Variants in DNAH6 observed in about 807,000 individuals in gnomAD.
The protein encoded by DNAH6 is axonemal beta dynein heavy chain 6.
Under a neutral mutation model 491.4 loss-of-function variants are expected in DNAH6, and 340 were observed. That is an observed-to-expected ratio of 0.69 (90% CI 0.63 to 0.76). The LOEUF is 0.76. Among genes scored for constraint, DNAH6 ranks in the 30% least tolerant of loss-of-function variants. The pLI, the probability that DNAH6 is intolerant of heterozygous loss-of-function variation, is 0.00. For missense variants in DNAH6, 4,443 were observed against 4,972.2 expected, an observed-to-expected ratio of 0.89 and a Z score of 3.20; for synonymous variants, 1,603 against 1,686.1, an observed-to-expected ratio of 0.95 and a Z score of 1.21.
intron 45 of DNAH6, among the ~76,000 whole-genome samples, chr2:84,690,949 AT>A (rs1357947448): frequency 1.3e-5 from 2 of 152,162 alleles, no homozygotes; most frequent in Non-Finnish European, 2.9e-5. Flanking sequence ...GGGGGGAAAA[AT>A]TTGCTTCAGA....
At chr2:84,705,463 A>G (rs1696339717) in intron 51 of DNAH6, 23 bp from the exon 52 acceptor site, 1 of 1,512,982 alleles carries the variant, frequency 6.6e-7, no homozygotes, top group Non-Finnish European at 8.9e-7. Context: ...CAGTGCCATT[A>G]ATATATCATG....
At chr2:84,523,012 A>AT (rs543864357) in intron 2 of DNAH6, among the ~76,000 whole-genome samples, 6 of 151,640 alleles carry the variant, frequency 4.0e-5, no homozygotes, top group East Asian at 3.9e-4. Flanking sequence ...CCCCTTCCTC[A>AT]TTTTTTTTAG....
chr2:84,809,365 A>T (rs1214889529), intron 72 of DNAH6, among the ~76,000 whole-genome samples: 1 of 152,176 alleles, frequency 6.6e-6, no homozygotes, highest in African/African-American at 2.4e-5. Flanking sequence ...TCTGTTCCCT[A>T]TCAGAAAGGC....
intron 9 of DNAH6, 93 bp downstream of exon 9, chr2:84,550,150 T>C: frequency 1.2e-6 from 1 of 855,800 alleles, no homozygotes; most frequent in Non-Finnish European, 1.6e-6. Context: ...TTCTGTGCAC[T>C]AAAAAAAAAA....
Position 84,593,161 on chromosome 2 carries a change from C to G in DNAH6, c.2611-811C>G, listed in dbSNP as rs958692298. Among the ~76,000 whole-genome samples the G allele has an allele frequency of 3.9e-5, 6 of 152,240 alleles. No homozygotes were observed. The East Asian group carries it at 1.2e-3, about 29-fold the overall frequency. On this transcript the variant is annotated intron_variant, in intron 16 of 76. Transcript: ENST00000389394. ...AAAAAACACAGAACCTGAAATGAAA[C>G]TGTGTCTTCCTCCTTCCATCTTCCA...
chr2:84,787,337 T>C (rs775240327), intron 68 of DNAH6, 35 bp downstream of exon 68: 4 of 1,532,444 alleles, frequency 2.6e-6, no homozygotes, highest in South Asian at 2.5e-5. Context: ...CTTCCATCTA[T>C]GTACCACAAA....
At chr2:84,695,400 C>A (rs1403337461) in intron 46 of DNAH6, among the ~76,000 whole-genome samples, 1 of 152,060 alleles carries the variant, frequency 6.6e-6, no homozygotes, top group Non-Finnish European at 1.5e-5. Flanking sequence ...GTTTATTCTT[C>A]ACTGGGAGAT....
At chr2:84,464,003 A>G in the DNAH6 span, among the ~76,000 whole-genome samples, 74 of 152,244 alleles carry the variant, frequency 4.9e-4, no homozygotes, top group African/African-American at 1.6e-3. Context: ...TTCTACCAGA[A>G]TGTCAGATTC....
chr2:84,616,690 T>C (rs1193270934), intron 22 of DNAH6, among the ~76,000 whole-genome samples, 196 bp from the exon 23 acceptor site: 1 of 152,172 alleles, frequency 6.6e-6, no homozygotes, highest in Non-Finnish European at 1.5e-5. Flanking sequence ...TTGTAATTTT[T>C]CTATTGCCAT....
intron 33 of DNAH6, among the ~76,000 whole-genome samples, chr2:84,648,100 G>A (rs918028090): frequency 2.6e-5 from 4 of 152,176 alleles, no homozygotes; most frequent in Non-Finnish European, 4.4e-5. Context: ...GCCTCAAAGA[G>A]CATGTTTATG....
intron 4 of DNAH6, among the ~76,000 whole-genome samples, chr2:84,542,957 G>A (rs116314006): frequency 0.024 from 3,583 of 152,162 alleles, 56 homozygotes; most frequent in Middle Eastern, 0.092. Context: ...TTAGCAGTTC[G>A]AGACCAGCCT....
At chr2:84,745,886 C>T (rs971340493) in intron 63 of DNAH6, among the ~76,000 whole-genome samples, 8 of 151,944 alleles carry the variant, frequency 5.3e-5, no homozygotes, top group Non-Finnish European at 7.4e-5. Context: ...GGAGAGGAGA[C>T]ATTTGAAGGG....
chr2:84,732,239 G>A (rs1314541707), intron 61 of DNAH6, among the ~76,000 whole-genome samples: 1 of 151,674 alleles, frequency 6.6e-6, no homozygotes, highest in Non-Finnish European at 1.5e-5. Context: ...AGACGCCTGG[G>A]CCCAGAAGTG....
At chr2:84,735,506 C>T (rs1699464105) in intron 62 of DNAH6, among the ~76,000 whole-genome samples, 2 of 152,220 alleles carry the variant, frequency 1.3e-5, no homozygotes, top group South Asian at 4.1e-4. Flanking sequence ...TTTGTATTCT[C>T]AGCAACAGTA....
rs1426902363 is a variant in DNAH6, at chr2:84,653,511, C to T, written c.5271C>T (p.Gly1757=). The T allele has an allele frequency of 1.5e-5, 23 of 1,551,168 alleles. No homozygotes were observed. The highest frequency in any genetic ancestry group is 1.7e-4 in the Middle Eastern group (1 of 5,988). ...TTATGTTAGTCGGGCCAACAGGAGGCGGCAAGACCACAGTTTACCGAATAC... is the reference window on the plus strand; with the variant it reads ...TTATGTTAGTCGGGCCAACAGGAGGTGGCAAGACCACAGTTTACCGAATAC... ...HGVMLVGPTG[G]GKTTVYRILA... Residue 1757 remains glycine, a synonymous_variant, in exon 34 of 77, where the codon GGC becomes GGT. Transcript: ENST00000389394.
chr2:84,791,947 A>T (rs1301483836), intron 68 of DNAH6, among the ~76,000 whole-genome samples: 2 of 152,186 alleles, frequency 1.3e-5, no homozygotes, highest in Non-Finnish European at 2.9e-5. Flanking sequence ...ATAATGAATC[A>T]TTCGTAGTAG....
intron 47 of DNAH6, 163 bp downstream of exon 47, chr2:84,697,890 T>G (rs904616945): frequency 1.4e-6 from 1 of 736,314 alleles, no homozygotes; most frequent in African/African-American, 1.8e-5. Flanking sequence ...GTTTAAAGCA[T>G]TGGGTCACCA....
intron 18 of DNAH6, among the ~76,000 whole-genome samples, chr2:84,601,440 A>T (rs1447844930): frequency 6.6e-6 from 1 of 151,972 alleles, no homozygotes; most frequent in Non-Finnish European, 1.5e-5. Flanking sequence ...TTTTTGAGGA[A>T]TTGACCCCTT....
chr2:84,781,774 G>A (rs1403264118), intron 65 of DNAH6, 121 bp downstream of exon 65: 3 of 1,213,438 alleles, frequency 2.5e-6, no homozygotes, highest in Admixed American at 3.0e-5. Context: ...TGAAAGAGGA[G>A]AAATTTGAGG....
Sources: gnomAD v4.1 joint callset for allele counts (sites outside exome capture counted in the v4.1 genomes callset) on GRCh38, gnomAD v4.1.1 for gene constraint, MANE v1.5 for transcripts, NCBI Gene and HGNC (gene_info 2026-07-23, HGNC 2026-07-21) for gene names.